ZMYM2: variants seen among roughly 807,000 people sequenced by gnomAD.
The protein encoded by ZMYM2 is zinc finger MYM-type containing 2.
ZMYM2 carries 56 observed loss-of-function variants against 162.8 expected under a neutral mutation model. The ratio of observed to expected loss-of-function variants is 0.34; its 90% CI spans 0.28 to 0.43. The LOEUF (loss-of-function observed/expected upper bound fraction) is 0.43, where lower values mean the gene tolerates loss of function less well. ZMYM2 is among the 20% of genes least tolerant of loss of function. The pLI, the probability that ZMYM2 is intolerant of heterozygous loss-of-function variation, is 1.00. For synonymous variants in ZMYM2, 510 were observed against 541.6 expected, an observed-to-expected ratio of 0.94 and a Z score of 0.81; for missense variants, 1,275 against 1,621.8, an observed-to-expected ratio of 0.79 and a Z score of 3.67.
intron 2 of ZMYM2, among the ~76,000 whole-genome samples, chr13:19,967,559 A>C (rs1004853224): frequency 6.6e-6 from 1 of 152,208 alleles, no homozygotes; most frequent in Non-Finnish European, 1.5e-5. Context: ...ACATTTATCA[A>C]ATCTTTCACT....
the ZMYM2 span, among the ~76,000 whole-genome samples, chr13:19,884,327 G>A: frequency 5.9e-5 from 9 of 152,192 alleles, no homozygotes; most frequent in South Asian, 1.2e-3. Context: ...TTATACCCCC[G>A]CACTTTGAAA....
At chr13:20,073,902 G>C (rs1050768607) in intron 21 of ZMYM2, among the ~76,000 whole-genome samples, 3 of 151,910 alleles carry the variant, frequency 2.0e-5, no homozygotes, top group African/African-American at 7.3e-5. Context: ...TTAAGGGTGC[G>C]GTGCAGTGGC....
In ZMYM2 at chr13:20,086,656, T is replaced by G. The variant is rs1470307109; in HGVS notation, c.*642T>G. The G allele has an allele frequency of 5.4e-6, 1 of 186,396 alleles. No homozygotes were observed. Among genetic ancestry groups the G allele is most frequent in the Non-Finnish European group, 1.1e-5 (1 of 88,112 alleles). The allele number at this position is 186,396 out of a possible 1,614,324, so 11.5% of individuals were successfully genotyped here. ...TGTGAATCTATGCTGGTGAAAACAA[T>G]TTTTTGTTCCCCTTATTAAAACCTT... On this transcript the variant is annotated 3_prime_UTR_variant, in exon 25 of 25. Coordinates refer to ENST00000610343, the MANE Select transcript of ZMYM2 (RefSeq NM_197968.4).
chr13:19,909,593 T>C, the ZMYM2 span, among the ~76,000 whole-genome samples: 1 of 151,910 alleles, frequency 6.6e-6, no homozygotes, highest in East Asian at 2.0e-4. Flanking sequence ...ACACCACACC[T>C]GGCTAATTTT....
At chr13:20,057,782 A>C (rs1265857034) in intron 14 of ZMYM2, among the ~76,000 whole-genome samples, 1 of 152,228 alleles carries the variant, frequency 6.6e-6, no homozygotes, top group Non-Finnish European at 1.5e-5. Flanking sequence ...ACAGGAACCT[A>C]ATCTTGTATT....
chr13:20,063,796 A>AT (rs1687998004), intron 18 of ZMYM2, among the ~76,000 whole-genome samples: 2 of 146,166 alleles, frequency 1.4e-5, no homozygotes, highest in South Asian at 2.2e-4. Context: ...ATATATATAT[A>AT]AAAAATATAT....
chr13:19,991,624 CTTTTTT>C (rs11413369), intron 2 of ZMYM2, among the ~76,000 whole-genome samples: 38 of 131,376 alleles, frequency 2.9e-4, no homozygotes, highest in Admixed American at 9.6e-4. Context: ...TTTTCTTTTT[CTTTTTT>C]TTTTTTTTTT....
chr13:19,892,825 C>T, the ZMYM2 span, among the ~76,000 whole-genome samples: 1 of 151,320 alleles, frequency 6.6e-6, no homozygotes, highest in Non-Finnish European at 1.5e-5. Context: ...AGCGATTCTC[C>T]TGCCTCAGCC....
intron 7 of ZMYM2, chr13:20,025,637 C>G (rs1166310814): frequency 6.5e-6 from 1 of 152,990 alleles, no homozygotes; most frequent in Non-Finnish European, 1.5e-5. Flanking sequence ...TATTCTTTAT[C>G]TCCTTTTGTT....
At chr13:19,886,226 G>A in the ZMYM2 span, among the ~76,000 whole-genome samples, 28 of 137,798 alleles carry the variant, frequency 2.0e-4, no homozygotes, top group African/African-American at 5.5e-4. Context: ...GTGCGATGGC[G>A]CAATCTCGGC....
At chr13:19,909,520 C>T in the ZMYM2 span, among the ~76,000 whole-genome samples, 2 of 151,058 alleles carry the variant, frequency 1.3e-5, no homozygotes, top group Non-Finnish European at 2.9e-5. Context: ...GCAACCTCCA[C>T]CTCCCAGTTT....
intron 21 of ZMYM2, among the ~76,000 whole-genome samples, chr13:20,071,628 C>T (rs1957093140): frequency 1.3e-5 from 2 of 152,348 alleles, no homozygotes; most frequent in South Asian, 4.1e-4. Context: ...TCTCTTTCCA[C>T]CTGAGACCTG....
chr13:19,906,475 T>C, the ZMYM2 span, among the ~76,000 whole-genome samples: 2 of 149,202 alleles, frequency 1.3e-5, no homozygotes, highest in Non-Finnish European at 1.5e-5. Flanking sequence ...TTACTGATAA[T>C]GAAGAACTAA....
At chr13:19,951,527 TAAAAAAAAAAAAA>T in the ZMYM2 span, among the ~76,000 whole-genome samples, 1 of 76,406 alleles carries the variant, frequency 1.3e-5, no homozygotes, top group Non-Finnish European at 2.2e-5. Context: ...CCATCTCTAC[TAAAAAAAAAAAAA>T]AAAAAAAAAA....
intron 12 of ZMYM2, among the ~76,000 whole-genome samples, chr13:20,043,045 A>G (rs571286202): frequency 4.0e-5 from 6 of 151,882 alleles, no homozygotes; most frequent in Admixed American, 6.6e-5. Context: ...CTTGTATCCT[A>G]TATTTGATGA....
At chr13:20,042,252 G>A (rs554929327) in intron 12 of ZMYM2, among the ~76,000 whole-genome samples, 36 of 152,192 alleles carry the variant, frequency 2.4e-4, no homozygotes, top group Admixed American at 2.0e-3. Flanking sequence ...GGTTTTGCTC[G>A]TTCCTTTTTA....
chr13:19,917,689 A>C, the ZMYM2 span, among the ~76,000 whole-genome samples: 1 of 151,928 alleles, frequency 6.6e-6, no homozygotes, highest in East Asian at 1.9e-4. Context: ...TTAATGTGGT[A>C]TTTAACTTAA....
At chr13:19,908,641 T>C in the ZMYM2 span, among the ~76,000 whole-genome samples, 1 of 152,220 alleles carries the variant, frequency 6.6e-6, no homozygotes, top group Non-Finnish European at 1.5e-5. Flanking sequence ...TTTCACTAAG[T>C]GTTTATTGCC....
the ZMYM2 span, among the ~76,000 whole-genome samples, chr13:19,921,524 A>C: frequency 6.6e-6 from 1 of 152,086 alleles, no homozygotes; most frequent in African/African-American, 2.4e-5. Flanking sequence ...ATTATTGGTG[A>C]GTCTTGTCTT....
Sources: gnomAD v4.1 joint callset for allele counts (sites outside exome capture counted in the v4.1 genomes callset) on GRCh38, gnomAD v4.1.1 for gene constraint, MANE v1.5 for transcripts, NCBI Gene and HGNC (gene_info 2026-07-23, HGNC 2026-07-21) for gene names.